The following SLC14A2 variants were observed in gnomAD, a reference collection of about 807,000 sequenced individuals.
SLC14A2 encodes solute carrier family 14 member 2, also known as urea transporter 2.
A neutral mutation model predicts 104.6 loss-of-function variants in SLC14A2; 91 were observed. The observed-to-expected ratio is 0.87, with a 90% CI of 0.73 to 1.04. The LOEUF (loss-of-function observed/expected upper bound fraction) is 1.04, where lower values mean the gene tolerates loss of function less well. Ranked by LOEUF, SLC14A2 falls within the 50% of genes least tolerant of loss-of-function variation. The pLI is 0.00. For missense variants in SLC14A2, 1,189 were observed against 1,156.0 expected (o/e 1.03, Z -0.41); for synonymous variants, 476 against 466.4 (o/e 1.02, Z -0.27).
the SLC14A2 span, among the ~76,000 whole-genome samples, chr18:45,181,865 G>A: frequency 6.6e-6 from 1 of 152,072 alleles, no homozygotes; most frequent in African/African-American, 2.4e-5. Context: ...ATAATAATGA[G>A]TTTCCATTAA....
chr18:45,584,456 C>T (rs977969522), intron 2 of SLC14A2, among the ~76,000 whole-genome samples: 12 of 152,180 alleles, frequency 7.9e-5, no homozygotes, highest in Admixed American at 5.9e-4. Flanking sequence ...CAACCTGTAG[C>T]AGTTTTTTTC....
At chr18:45,417,702 A>G (rs939632861) in intron 1 of SLC14A2, among the ~76,000 whole-genome samples, 7 of 152,186 alleles carry the variant, frequency 4.6e-5, no homozygotes, top group African/African-American at 1.7e-4. Flanking sequence ...CAGCCAAACC[A>G]TATCACCTTT....
chr18:45,311,510 C>T (rs1426835681), intron 1 of SLC14A2, among the ~76,000 whole-genome samples: 1 of 152,174 alleles, frequency 6.6e-6, no homozygotes, highest in East Asian at 1.9e-4. Context: ...GGCTCCTGAC[C>T]ACCATACTCT....
At chr18:45,294,672 C>T (rs574163054) in intron 1 of SLC14A2, among the ~76,000 whole-genome samples, 1 of 152,318 alleles carries the variant, frequency 6.6e-6, no homozygotes, top group African/African-American at 2.4e-5. Flanking sequence ...TGATTTTCCA[C>T]GATCAAATAT....
At chr18:45,390,871 A>G (rs2085953497) in intron 1 of SLC14A2, among the ~76,000 whole-genome samples, 1 of 152,214 alleles carries the variant, frequency 6.6e-6, no homozygotes, top group Non-Finnish European at 1.5e-5. Context: ...AGTTGCTAGT[A>G]ATCAGCACAT....
chr18:45,531,500 T>A (rs1224134573), intron 2 of SLC14A2, among the ~76,000 whole-genome samples: 1 of 152,240 alleles, frequency 6.6e-6, no homozygotes, highest in Admixed American at 6.5e-5. Context: ...AATGTCTTCT[T>A]TTGAGAAGGG....
At chr18:45,172,806 TAATTGG>T in the SLC14A2 span, among the ~76,000 whole-genome samples, 4 of 152,148 alleles carry the variant, frequency 2.6e-5, no homozygotes, top group East Asian at 7.7e-4. Flanking sequence ...TAAAATGTAA[TAATTGG>T]AATTGCATCC....
At chr18:45,376,580 A>C (rs2085777243) in intron 1 of SLC14A2, among the ~76,000 whole-genome samples, 1 of 152,230 alleles carries the variant, frequency 6.6e-6, no homozygotes, top group South Asian at 2.1e-4. Context: ...AAATCATTTC[A>C]GGCTACTCTG....
At chr18:45,384,124 G>A (rs1308100116) in intron 1 of SLC14A2, among the ~76,000 whole-genome samples, 3 of 152,146 alleles carry the variant, frequency 2.0e-5, no homozygotes, top group Non-Finnish European at 4.4e-5. Flanking sequence ...GGAGGTAAAT[G>A]GCATATGTGT....
intron 1 of SLC14A2, among the ~76,000 whole-genome samples, chr18:45,424,382 GA>G (rs1258156585): frequency 6.6e-6 from 1 of 152,244 alleles, no homozygotes; most frequent in African/African-American, 2.4e-5. Flanking sequence ...GTGCCTGTGG[GA>G]GATGGTGAGC....
intron 1 of SLC14A2, among the ~76,000 whole-genome samples, chr18:45,331,750 C>T (rs2085293455): frequency 6.6e-6 from 1 of 152,110 alleles, no homozygotes; most frequent in South Asian, 2.1e-4. Context: ...TATATATGCC[C>T]TCATGTACCA....
At chr18:45,235,069 TC>T (rs1402190952) in intron 1 of SLC14A2, among the ~76,000 whole-genome samples, 1 of 152,202 alleles carries the variant, frequency 6.6e-6, no homozygotes, top group African/African-American at 2.4e-5. Flanking sequence ...AATCTTCAAA[TC>T]TGCCTCTTTT....
intron 2 of SLC14A2, among the ~76,000 whole-genome samples, chr18:45,609,166 T>C (rs2144441718): frequency 6.6e-6 from 1 of 152,178 alleles, no homozygotes; most frequent in African/African-American, 2.4e-5. Flanking sequence ...CCTGCTCCCA[T>C]CTCCTCTTTA....
chr18:45,434,799 C>T (rs542922296), intron 1 of SLC14A2, among the ~76,000 whole-genome samples: 5 of 152,180 alleles, frequency 3.3e-5, no homozygotes, highest in East Asian at 1.9e-4. Flanking sequence ...GCTATCAAAA[C>T]GTGGGGTGAA....
At chr18:45,495,433 G>A (rs564976447) in intron 2 of SLC14A2, among the ~76,000 whole-genome samples, 1 of 152,276 alleles carries the variant, frequency 6.6e-6, no homozygotes, top group Non-Finnish European at 1.5e-5. Context: ...CACTTGACTG[G>A]TCCCTAGTCA....
intron 1 of SLC14A2, among the ~76,000 whole-genome samples, chr18:45,280,750 A>G (rs1268193835): frequency 6.6e-6 from 1 of 152,200 alleles, no homozygotes; most frequent in Non-Finnish European, 1.5e-5. Context: ...AAAAGTGCTG[A>G]GAAGTGATGT....
chr18:45,498,112 A>G (rs1194626290), intron 2 of SLC14A2, among the ~76,000 whole-genome samples: 5 of 151,122 alleles, frequency 3.3e-5, no homozygotes, highest in Admixed American at 1.3e-4. Context: ...CAAGGACCAG[A>G]AAAAAAAACT....
chr18:45,334,149 T>C (rs1477976188), intron 1 of SLC14A2, among the ~76,000 whole-genome samples: 3 of 152,216 alleles, frequency 2.0e-5, no homozygotes, highest in Non-Finnish European at 2.9e-5. Context: ...GATTTGTAGG[T>C]AATCAGTGAT....
At chr18:45,654,013 C>T (rs1055149472) in intron 10 of SLC14A2, among the ~76,000 whole-genome samples, 1 of 152,142 alleles carries the variant, frequency 6.6e-6, no homozygotes, top group Non-Finnish European at 1.5e-5. Flanking sequence ...GGGAAGCTAC[C>T]AGACAGTCCC....
Sources: gnomAD v4.1 joint callset for allele counts (sites outside exome capture counted in the v4.1 genomes callset) on GRCh38, gnomAD v4.1.1 for gene constraint, MANE v1.5 for transcripts, NCBI Gene and HGNC (gene_info 2026-07-23, HGNC 2026-07-21) for gene names.